SETD7: variants seen among roughly 807,000 people sequenced by gnomAD.
SETD7 encodes the protein histone-lysine N-methyltransferase SETD7.
Under a neutral mutation model 41.8 loss-of-function variants are expected in SETD7, and 16 were observed. The ratio of observed to expected loss-of-function variants is 0.38; its 90% CI spans 0.26 to 0.58. SETD7 has a LOEUF of 0.58. Ranked by LOEUF, SETD7 falls within the 20% of genes least tolerant of loss-of-function variation. The pLI is 0.64. For missense variants in SETD7, 346 were observed against 459.7 expected, an observed-to-expected ratio of 0.75 and a Z score of 2.26; for synonymous variants, 163 against 169.7, an observed-to-expected ratio of 0.96 and a Z score of 0.31.
chr4:139,503,168 ACT>A (rs1340406762), downstream of SETD7, among the ~76,000 whole-genome samples: 10 of 112,224 alleles, frequency 8.9e-5, no homozygotes, highest in Non-Finnish European at 1.6e-4. Flanking sequence ...ACAGAGTGAG[ACT>A]CTGTCTCAGA....
intron 7 of SETD7, among the ~76,000 whole-genome samples, chr4:139,514,814 C>T (rs1403596360): frequency 2.0e-5 from 3 of 152,304 alleles, no homozygotes; most frequent in South Asian, 2.1e-4. Flanking sequence ...GTCCATTTGG[C>T]ATTTTGTACT....
Position 139,510,541 on chromosome 4 carries a change from G to C in SETD7, c.*1122C>G, listed in dbSNP as rs1726840377. On this transcript the variant is annotated 3_prime_UTR_variant, in exon 8 of 8. Transcript: ENST00000274031. Reference sequence around the variant, plus strand: ...TTACAATGTTTTGAAGCAGGTAAGTGCTTTGAAATTACAATGATGAAGAGT... The same window carrying C: ...TTACAATGTTTTGAAGCAGGTAAGTCCTTTGAAATTACAATGATGAAGAGT... The C allele has an allele frequency of 6.6e-6, 1 of 152,166 alleles. No individual in the cohort carries two copies. Among genetic ancestry groups the C allele is most frequent in the East Asian group, 1.9e-4 (1 of 5,198 alleles). The allele number at this position is 152,166 out of a possible 1,614,324, so 9.4% of individuals were successfully genotyped here. A position where few individuals can be genotyped will look rare whatever the true frequency, so the allele number is the denominator to read the frequency against.
At chr4:139,515,550 C>T (rs947822935) in intron 7 of SETD7, among the ~76,000 whole-genome samples, 5 of 152,194 alleles carry the variant, frequency 3.3e-5, no homozygotes, top group Non-Finnish European at 5.9e-5. Flanking sequence ...TGTTGTTAAG[C>T]TGTGTGCAGC....
intron 7 of SETD7, among the ~76,000 whole-genome samples, chr4:139,514,895 G>A (rs561359926): frequency 6.6e-6 from 1 of 152,302 alleles, no homozygotes; most frequent in East Asian, 1.9e-4. Flanking sequence ...GCCAGGCATG[G>A]TGGCCCACAC....
downstream of SETD7, among the ~76,000 whole-genome samples, chr4:139,493,238 G>A (rs963002017): frequency 7.2e-5 from 11 of 152,210 alleles, no homozygotes. Context: ...GGTCAAGGAG[G>A]GCACCTCTGA....
chr4:139,496,175 CT>C (rs1309376470), exon 8 of SETD7: 36 of 472,374 alleles, frequency 7.6e-5, no homozygotes, highest in South Asian at 1.2e-4. Context: ...GTTTGAGGGT[CT>C]TTTTCCCCCC....
intron 1 of SETD7, among the ~76,000 whole-genome samples, chr4:139,553,189 T>C (rs998725507): frequency 4.6e-5 from 7 of 152,154 alleles, no homozygotes; most frequent in Non-Finnish European, 8.8e-5. Context: ...TTCAGAACTT[T>C]CCCAGAGTTA....
chr4:139,547,093 C>A (rs201989797), intron 1 of SETD7, 44 bp from the exon 2 acceptor site: 1 of 1,605,340 alleles, frequency 6.2e-7, no homozygotes, highest in East Asian at 2.2e-5. Context: ...ATCTTCAGTG[C>A]TCCTCCCATC....
intron 7 of SETD7, among the ~76,000 whole-genome samples, chr4:139,512,726 CATTTA>C (rs1726913543): frequency 1.4e-5 from 2 of 146,408 alleles, no homozygotes; most frequent in Admixed American, 1.4e-4. Flanking sequence ...CAATCTCATT[CATTTA>C]GAGTCTTTTT....
At chr4:139,497,019 T>C (rs1248040808) in intron 7 of SETD7, among the ~76,000 whole-genome samples, 6 of 152,160 alleles carry the variant, frequency 3.9e-5, no homozygotes, top group Non-Finnish European at 7.4e-5. Context: ...TACAGATAAC[T>C]GTGCTCCAGG....
chr4:139,544,516 G>C (rs1261101842), intron 2 of SETD7, among the ~76,000 whole-genome samples: 1 of 152,040 alleles, frequency 6.6e-6, no homozygotes, highest in African/African-American at 2.4e-5. Flanking sequence ...AAGCTGTTTG[G>C]GGCTAGAAGT....
intron 6 of SETD7, 56 bp from the exon 7 acceptor site, chr4:139,518,098 G>A (rs1727079811): frequency 3.3e-6 from 5 of 1,528,242 alleles, no homozygotes; most frequent in Non-Finnish European, 4.4e-6. Flanking sequence ...AAAGGTCAAA[G>A]GACATCAGAG....
intron 2 of SETD7, among the ~76,000 whole-genome samples, chr4:139,539,929 C>T (rs545647950): frequency 1.0e-3 from 152 of 152,274 alleles, no homozygotes; most frequent in Non-Finnish European, 1.7e-3. Flanking sequence ...GTACTGCTGC[C>T]CTGATCTTGG....
downstream of SETD7, among the ~76,000 whole-genome samples, chr4:139,502,265 TAAAC>T (rs1305812296): frequency 6.6e-6 from 1 of 152,124 alleles, no homozygotes; most frequent in Non-Finnish European, 1.5e-5. Flanking sequence ...AGAAAGACAA[TAAAC>T]AATCAACATA....
rs534568523 is a variant in SETD7 at position 139,547,493 on chromosome 4, T to A, written c.41-444A>T. 2.0e-5 allele frequency among the ~76,000 whole-genome samples: 3 copies of A among 152,348 alleles called. No homozygotes were observed. The South Asian group carries it at 6.2e-4, about 32-fold the overall frequency. Reference sequence around the variant, plus strand: ...CACTGTTTTATAGTCAATTGCCACATACACAGTCTTTGGAATAAATTATCT... The same window carrying A: ...CACTGTTTTATAGTCAATTGCCACAAACACAGTCTTTGGAATAAATTATCT... On this transcript the variant is annotated intron_variant, in intron 1 of 7. Transcript: ENST00000274031.
intron 4 of SETD7, among the ~76,000 whole-genome samples, chr4:139,524,741 G>A (rs1727278523): frequency 6.6e-6 from 1 of 152,206 alleles, no homozygotes; most frequent in South Asian, 2.1e-4. Flanking sequence ...GTGAAAGAAT[G>A]ATGAATGGAT....
intron 7 of SETD7, among the ~76,000 whole-genome samples, chr4:139,498,294 C>G (rs533308039): frequency 2.6e-5 from 4 of 152,290 alleles, no homozygotes; most frequent in Admixed American, 1.3e-4. Context: ...AAATCAGCCT[C>G]TGTGCCTACA....
chr4:139,538,823 T>A (rs1010535508), intron 2 of SETD7, among the ~76,000 whole-genome samples: 1 of 152,208 alleles, frequency 6.6e-6, no homozygotes, highest in African/African-American at 2.4e-5. Context: ...CCTGGTACCA[T>A]CATCTGAATC....
intron 2 of SETD7, among the ~76,000 whole-genome samples, chr4:139,545,324 C>A (rs1306757842): frequency 1.3e-5 from 2 of 152,010 alleles, no homozygotes; most frequent in East Asian, 3.9e-4. Flanking sequence ...CAGGGTCTCA[C>A]TATGTTGCCC....
Sources: allele counts gnomAD v4.1 joint callset (sites outside exome capture counted in the v4.1 genomes callset), GRCh38; gene constraint gnomAD v4.1.1; transcripts MANE v1.5; gene names NCBI Gene and HGNC (gene_info 2026-07-23, HGNC 2026-07-21).